C3orf70: variants seen among roughly 807,000 people sequenced by gnomAD.
The protein encoded by C3orf70 is chromosome 3 open reading frame 70.
C3orf70 carries 15 observed loss-of-function variants against 20.7 expected under a neutral mutation model. That is an observed-to-expected ratio of 0.72 (90% CI 0.48 to 1.11). C3orf70 has a LOEUF of 1.11. C3orf70 is among the 50% of genes most tolerant of loss of function. The probability of loss-of-function intolerance (pLI) is 0.00; values close to 1 mark genes in which losing one functional copy is unlikely to be tolerated. For synonymous variants in C3orf70, 161 were observed against 125.7 expected (o/e 1.28, Z -1.88); for missense variants, 332 against 317.6 (o/e 1.05, Z -0.34).
chr3:185,139,550 C>A (rs1439827875), intron 1 of C3orf70, among the ~76,000 whole-genome samples: 267 of 135,492 alleles, frequency 2.0e-3, no homozygotes, highest in Middle Eastern at 3.8e-3. Context: ...AAGACTGTCT[C>A]AAAAAAAAAA....
chr3:185,097,909 C>A (rs1715744598), intron 1 of C3orf70, among the ~76,000 whole-genome samples: 1 of 152,192 alleles, frequency 6.6e-6, no homozygotes, highest in Non-Finnish European at 1.5e-5. Context: ...TAGAAACTTA[C>A]AATTACAGCA....
At chr3:185,148,659 G>A (rs1416747411) in intron 1 of C3orf70, among the ~76,000 whole-genome samples, 6 of 152,020 alleles carry the variant, frequency 3.9e-5, no homozygotes, top group African/African-American at 1.4e-4. Context: ...ACCTTCACTC[G>A]TTAATTCAAG....
At position 185,152,722 on chromosome 3, in the gene C3orf70, G is replaced by T; in HGVS notation, c.102C>A (p.Asp34Glu). 6.3e-7 allele frequency: 1 copy of T among 1,594,514 alleles called. No individual in the cohort carries two copies. Residue 34 changes from aspartate to glutamate, a missense_variant, in exon 1 of 2, where the codon GAC becomes GAA. Asp to Glu is a conservative substitution (Grantham distance 45). Transcript: ENST00000335012. ...TAGACAGCCCGTCGCACGGCTGGAAGTCGGGTCTGCGGGCGGCGCAACTCC... is the reference window on the plus strand; with the variant it reads ...TAGACAGCCCGTCGCACGGCTGGAATTCGGGTCTGCGGGCGGCGCAACTCC... Reference protein sequence around the residue: ...LARSCAARRPDFQPCDGLSIC... With the variant: ...LARSCAARRPEFQPCDGLSIC...
chr3:185,090,452 GTCC>G (rs911050086), intron 1 of C3orf70, among the ~76,000 whole-genome samples: 6 of 152,076 alleles, frequency 3.9e-5, no homozygotes, highest in Non-Finnish European at 8.8e-5. Flanking sequence ...TTAAATGTGT[GTCC>G]TCCTTGACAC....
At chr3:185,106,318 G>A (rs1715938700) in intron 1 of C3orf70, among the ~76,000 whole-genome samples, 2 of 152,310 alleles carry the variant, frequency 1.3e-5, no homozygotes, top group Non-Finnish European at 2.9e-5. Flanking sequence ...GCCTGTGATG[G>A]TATTGGAGGT....
chr3:185,088,137 C>T (rs113079741), intron 1 of C3orf70, among the ~76,000 whole-genome samples: 18 of 152,180 alleles, frequency 1.2e-4, no homozygotes, highest in African/African-American at 4.1e-4. Flanking sequence ...TCTCAAACTC[C>T]CGACCTCAGG....
chr3:185,116,704 G>C (rs915259341), intron 1 of C3orf70, among the ~76,000 whole-genome samples: 3 of 152,116 alleles, frequency 2.0e-5, no homozygotes, highest in African/African-American at 7.2e-5. Context: ...ATTGAAAAAT[G>C]ACCTGTTGAA....
chr3:185,117,957 G>A (rs1716217431), intron 1 of C3orf70, among the ~76,000 whole-genome samples: 1 of 152,116 alleles, frequency 6.6e-6, no homozygotes, highest in South Asian at 2.1e-4. Flanking sequence ...AGGGAATACT[G>A]CCCCAATCCC....
At chr3:185,107,270 T>C (rs770712352) in intron 1 of C3orf70, among the ~76,000 whole-genome samples, 4 of 152,182 alleles carry the variant, frequency 2.6e-5, no homozygotes, top group Non-Finnish European at 4.4e-5. Flanking sequence ...AAGGGCCCGA[T>C]GGACAACCTG....
chr3:185,141,330 C>T (rs1020638448), intron 1 of C3orf70, among the ~76,000 whole-genome samples: 5 of 151,134 alleles, frequency 3.3e-5, no homozygotes, highest in African/African-American at 1.2e-4. Flanking sequence ...TGGAATAGAC[C>T]CTCTGGAAAA....
chr3:185,108,078 T>G (rs941351374), intron 1 of C3orf70, among the ~76,000 whole-genome samples: 2 of 152,220 alleles, frequency 1.3e-5, no homozygotes, highest in African/African-American at 2.4e-5. Flanking sequence ...TACAGCAAGC[T>G]TCTATAAATA....
At position 185,082,472 on chromosome 3, in the gene C3orf70, A is replaced by C. The variant is rs1715364943; in HGVS notation, c.*535T>G. The C allele has an allele frequency of 6.4e-6, 1 of 156,040 alleles. No individual in the cohort carries two copies. The highest frequency in any genetic ancestry group is 1.4e-5 in the Non-Finnish European group (1 of 70,650). The allele number at this position is 156,040 out of a possible 1,614,324, so 9.7% of individuals were successfully genotyped here. On this transcript the variant is annotated 3_prime_UTR_variant, in exon 2 of 2. Coordinates refer to ENST00000335012, the MANE Select transcript of C3orf70 (RefSeq NM_001025266.3). ...CCAGTGACCTCCCAGAAGTAAGCCG[A>C]GGCAGCTCTGATCCAGACCCAGTGC...
At chr3:185,127,704 T>C (rs533310099) in intron 1 of C3orf70, among the ~76,000 whole-genome samples, 2 of 152,224 alleles carry the variant, frequency 1.3e-5, no homozygotes, top group South Asian at 2.1e-4. Flanking sequence ...CCTCTCAAAG[T>C]GCTGGGATTA....
intron 1 of C3orf70, among the ~76,000 whole-genome samples, chr3:185,119,349 A>G (rs535018692): frequency 6.6e-6 from 1 of 152,264 alleles, no homozygotes; most frequent in South Asian, 2.1e-4. Context: ...TATATATGGC[A>G]CTTGAAATTT....
At chr3:185,122,499 G>T (rs1716325513) in intron 1 of C3orf70, among the ~76,000 whole-genome samples, 1 of 152,180 alleles carries the variant, frequency 6.6e-6, no homozygotes. Context: ...GAGGATAGTT[G>T]CATCACGGAA....
intron 1 of C3orf70, among the ~76,000 whole-genome samples, chr3:185,130,354 T>C (rs1716500494): frequency 6.6e-6 from 1 of 152,166 alleles, no homozygotes; most frequent in Non-Finnish European, 1.5e-5. Context: ...CTCAGGAGGC[T>C]GAGGCAGGAG....
intron 1 of C3orf70, among the ~76,000 whole-genome samples, chr3:185,086,681 ATGCAGC>A (rs1475430278): frequency 6.6e-6 from 1 of 152,178 alleles, no homozygotes; most frequent in Non-Finnish European, 1.5e-5. Flanking sequence ...TAAGAGAGAA[ATGCAGC>A]TGGGTGAGGA....
Position 185,124,164 on chromosome 3 carries a change from C to A in C3orf70, c.196+28464G>T, listed in dbSNP as rs75770221. 9.6e-3 allele frequency among the ~76,000 whole-genome samples: 1,458 copies of A among 152,264 alleles called. 24 individuals carry two copies. The highest frequency in any genetic ancestry group is 0.033 in the African/African-American group (1,386 of 41,552). ...CAAGAGAATGTGCATAGGTTACAAG[C>A]AAATACTACACCCTTTTATATAAGG... On this transcript the variant is annotated intron_variant, in intron 1 of 1. Coordinates refer to ENST00000335012, the MANE Select transcript of C3orf70 (RefSeq NM_001025266.3).
At chr3:185,136,556 T>C (rs1410828350) in intron 1 of C3orf70, among the ~76,000 whole-genome samples, 1 of 13,638 alleles carries the variant, frequency 7.3e-5, no homozygotes, top group Non-Finnish European at 1.5e-4. Context: ...CCCTCTCTAC[T>C]AAAAATAAAA....
Sources: gnomAD v4.1 joint callset for allele counts (sites outside exome capture counted in the v4.1 genomes callset) on GRCh38, gnomAD v4.1.1 for gene constraint, MANE v1.5 for transcripts, NCBI Gene and HGNC (gene_info 2026-07-23, HGNC 2026-07-21) for gene names.